Variants in SCARA5 observed in about 807,000 individuals in gnomAD.
SCARA5 encodes scavenger receptor class A member 5, also known as scavenger receptor class A, member 5 (putative).
SCARA5 carries 45 observed loss-of-function variants against 46.3 expected under a neutral mutation model. That is an observed-to-expected ratio of 0.97 (90% CI 0.76 to 1.24). SCARA5 has a LOEUF of 1.24. Among genes scored for constraint, SCARA5 ranks in the 50% most tolerant of loss-of-function variants. SCARA5 has a pLI of 0.00. For missense variants in SCARA5, 680 were observed against 689.0 expected, an observed-to-expected ratio of 0.99 and a Z score of 0.15; for synonymous variants, 333 against 306.5, an observed-to-expected ratio of 1.09 and a Z score of -0.90.
rs377587450 is a variant in SCARA5 at position 27,879,590 on chromosome 8, G to T, written c.1330C>A (p.Arg444Ser). ...TTACCTTGCCCGAATCGAGCTGTGC[G>T]GTACACCTCCTCCACACCGCGGAAG... ...LGFRGVEEVYRTARFGQGTGR... is the reference protein window; with the variant it reads ...LGFRGVEEVYSTARFGQGTGR... The change falls in exon 8 of 9, where the codon CGC becomes AGC. Residue 444 changes from arginine to serine, a missense_variant. Coordinates refer to ENST00000354914, the MANE Select transcript of SCARA5 (RefSeq NM_173833.6). 3 of 1,609,206 alleles carry T rather than the reference G, an allele frequency of 1.9e-6. No homozygotes were observed. The highest frequency in any genetic ancestry group is 2.2e-5 in the South Asian group (2 of 91,076).
intron 1 of SCARA5, 93 bp from the exon 2 acceptor site, chr8:27,987,723 G>C: frequency 1.3e-6 from 1 of 747,482 alleles, no homozygotes; most frequent in Non-Finnish European, 2.3e-6. Flanking sequence ...CAAATGGATA[G>C]AACAAGGTGC....
intron 4 of SCARA5, among the ~76,000 whole-genome samples, chr8:27,918,896 A>AAAGAGGAGGAGGAGG (rs142177989): frequency 0.94 from 716 of 762 alleles, 348 homozygotes; most frequent in East Asian, 1. Flanking sequence ...GGAGGGGAAG[A>AAAGAGGAGGAGGAGG]AAGAGGAGGA....
chr8:27,892,179 C>A (rs1220914965), intron 7 of SCARA5, among the ~76,000 whole-genome samples: 4 of 152,182 alleles, frequency 2.6e-5, no homozygotes. Context: ...AATCAATAAG[C>A]CATGTTGGAG....
intron 1 of SCARA5, among the ~76,000 whole-genome samples, chr8:27,990,527 A>G (rs904333887): frequency 1.3e-5 from 2 of 152,096 alleles, no homozygotes. Flanking sequence ...AACATAAGCC[A>G]TCCCAGACCA....
At chr8:27,926,996 G>C (rs1361842720) in intron 3 of SCARA5, among the ~76,000 whole-genome samples, 2 of 152,192 alleles carry the variant, frequency 1.3e-5, no homozygotes, top group African/African-American at 4.8e-5. Flanking sequence ...TTGAGTTCTG[G>C]TTTTCAAACT....
chr8:27,899,883 A>C (rs1438793377), intron 7 of SCARA5, among the ~76,000 whole-genome samples: 1 of 152,198 alleles, frequency 6.6e-6, no homozygotes, highest in Non-Finnish European at 1.5e-5. Context: ...CATGCCTGTA[A>C]TCCCAGTACT....
chr8:27,904,154 T>A, intron 7 of SCARA5, among the ~76,000 whole-genome samples: 1 of 152,082 alleles, frequency 6.6e-6, no homozygotes, highest in East Asian at 1.9e-4. Flanking sequence ...GTCTGCCGGA[T>A]CGCAAGCTCT....
intron 3 of SCARA5, among the ~76,000 whole-genome samples, chr8:27,956,847 A>G (rs1165624908): frequency 6.6e-6 from 1 of 152,196 alleles, no homozygotes; most frequent in Non-Finnish European, 1.5e-5. Flanking sequence ...GAGGGCCCCA[A>G]GCCTTGGGCG....
intron 4 of SCARA5, among the ~76,000 whole-genome samples, chr8:27,912,526 G>GGT (rs753625085): frequency 5.9e-5 from 9 of 152,224 alleles, no homozygotes; most frequent in Admixed American, 2.0e-4. Flanking sequence ...AGAAACGAAG[G>GGT]GCGGAGTCAG....
At chr8:27,957,026 A>C (rs768774987) in intron 3 of SCARA5, among the ~76,000 whole-genome samples, 2 of 152,198 alleles carry the variant, frequency 1.3e-5, no homozygotes, top group Non-Finnish European at 2.9e-5. Context: ...CTCTGGGCAC[A>C]CCCAGCAGAA....
At chr8:27,965,038 G>T (rs909583329) in intron 3 of SCARA5, among the ~76,000 whole-genome samples, 4 of 152,124 alleles carry the variant, frequency 2.6e-5, no homozygotes, top group African/African-American at 9.7e-5. Flanking sequence ...GCCTGCGAGG[G>T]ACCCTGCTGG....
chr8:27,974,812 C>T (rs1808498792), intron 2 of SCARA5, among the ~76,000 whole-genome samples: 1 of 151,902 alleles, frequency 6.6e-6, no homozygotes, highest in Non-Finnish European at 1.5e-5. Context: ...TGAGTCCTGC[C>T]TGGAGTCACA....
intron 4 of SCARA5, among the ~76,000 whole-genome samples, chr8:27,909,974 A>G (rs2129773656): frequency 6.6e-6 from 1 of 152,238 alleles, no homozygotes; most frequent in African/African-American, 2.4e-5. Context: ...CTAAGTAAAC[A>G]GAGGGGTGGG....
At chr8:27,982,190 G>T (rs1228533090) in intron 2 of SCARA5, among the ~76,000 whole-genome samples, 1 of 152,014 alleles carries the variant, frequency 6.6e-6, no homozygotes, top group Non-Finnish European at 1.5e-5. Context: ...GGGGCCGTGG[G>T]GGCGAATGGG....
chr8:27,925,765 C>A (rs1178220375), intron 3 of SCARA5, among the ~76,000 whole-genome samples: 2 of 152,006 alleles, frequency 1.3e-5, no homozygotes, highest in Non-Finnish European at 1.5e-5. Context: ...AAAAACAAAC[C>A]ACCCCATCAA....
At chr8:27,884,221 C>A (rs927708945) in intron 7 of SCARA5, among the ~76,000 whole-genome samples, 26 of 152,350 alleles carry the variant, frequency 1.7e-4, no homozygotes, top group Non-Finnish European at 2.4e-4. Flanking sequence ...CCCACACAGA[C>A]TGCAAATACA....
chr8:27,922,420 AGTG>A (rs1211087163), intron 3 of SCARA5, among the ~76,000 whole-genome samples, 175 bp from the exon 4 acceptor site: 3 of 152,194 alleles, frequency 2.0e-5, no homozygotes, highest in Admixed American at 2.0e-4. Flanking sequence ...GTGCTAAACC[AGTG>A]GTCCCCAAAC....
intron 5 of SCARA5, among the ~76,000 whole-genome samples, chr8:27,908,427 T>G (rs1214580473): frequency 2.6e-5 from 4 of 152,220 alleles, no homozygotes; most frequent in African/African-American, 9.6e-5. Context: ...GGCCTAAGCG[T>G]GTAGTTATCT....
chr8:27,919,768 C>T (rs1264852382), intron 4 of SCARA5, among the ~76,000 whole-genome samples: 1 of 151,604 alleles, frequency 6.6e-6, no homozygotes, highest in African/African-American at 2.4e-5. Flanking sequence ...TGTGGGCAAG[C>T]TATGGAAGCT....
Sources: allele counts gnomAD v4.1 joint callset (sites outside exome capture counted in the v4.1 genomes callset), GRCh38; gene constraint gnomAD v4.1.1; transcripts MANE v1.5; gene names NCBI Gene and HGNC (gene_info 2026-07-23, HGNC 2026-07-21).